The following CATSPERE variants were observed in gnomAD, a reference collection of about 807,000 sequenced individuals.
CATSPERE encodes the protein catsper channel auxiliary subunit epsilon.
A neutral mutation model predicts 114.1 loss-of-function variants in CATSPERE; 93 were observed. The observed-to-expected ratio is 0.81, with a 90% CI of 0.69 to 0.97. CATSPERE has a LOEUF of 0.97. Ranked by LOEUF, CATSPERE falls within the 50% of genes least tolerant of loss-of-function variation. The pLI is 0.00. For missense variants in CATSPERE, 1,058 were observed against 1,131.6 expected (o/e 0.93, Z 0.93); for synonymous variants, 341 against 384.1 (o/e 0.89, Z 1.31).
Position 244,518,641 on chromosome 1 carries a change from T to A in CATSPERE, c.479T>A (p.Val160Asp). The A allele has an allele frequency of 6.2e-7, 1 of 1,602,382 alleles. No individual in the cohort carries two copies. Among genetic ancestry groups the A allele is most frequent in the Non-Finnish European group, 8.5e-7 (1 of 1,172,082 alleles). ...TQMATLGQKP[V>D]IHTVLKRKVY... ...ATGGCCACATTGGGACAGAAGCCTG[T>A]CATACATACAGTTCTGAAGAGAAAA... Residue 160 changes from valine to aspartate, a missense_variant, in exon 8 of 22, where the codon GTC (valine) becomes GAC (aspartate). Val to Asp is a radical substitution (Grantham distance 152). Around this residue, in one of 2 missense-constraint regions of CATSPERE, gnomAD observed 271 missense variants for 225.9 expected, o/e 1.20. Transcript: ENST00000366534.
intron 2 of CATSPERE, among the ~76,000 whole-genome samples, chr1:244,470,742 C>G (rs1668344765): frequency 6.6e-6 from 1 of 152,092 alleles, no homozygotes; most frequent in African/African-American, 2.4e-5. Context: ...TTCATAATAG[C>G]CCCCAAGTGC....
chr1:244,629,610 A>T (rs1442540015), intron 20 of CATSPERE, among the ~76,000 whole-genome samples: 1 of 147,494 alleles, frequency 6.8e-6, no homozygotes, highest in Non-Finnish European at 1.5e-5. Context: ...CTGGGATTAC[A>T]GGTGTGAGCC....
chr1:244,485,705 T>G (rs1321888172), intron 5 of CATSPERE, among the ~76,000 whole-genome samples: 1 of 151,144 alleles, frequency 6.6e-6, no homozygotes, highest in African/African-American at 2.4e-5. Context: ...TTTTTTTGTT[T>G]TTTTTTTTTT....
At chr1:244,518,328 A>C (rs566029305) in intron 7 of CATSPERE, among the ~76,000 whole-genome samples, 1 of 152,316 alleles carries the variant, frequency 6.6e-6, no homozygotes, top group East Asian at 1.9e-4. Context: ...AAGTATCCCC[A>C]TAGTTTCAGT....
At chr1:244,451,724 C>T, upstream of CATSPERE, 1 of 1,610,804 alleles carries the variant, frequency 6.2e-7, no homozygotes, top group Non-Finnish European at 8.5e-7. This position sits in a 1 kb window ranked among gnomAD's most constrained non-coding sequence, Gnocchi z 6.6. Context: ...CCGAGCACCA[C>T]CGTCACCCGG....
chr1:244,476,469 A>G (rs113592350), intron 2 of CATSPERE, among the ~76,000 whole-genome samples: 1,773 of 152,198 alleles, frequency 0.012, 35 homozygotes, highest in African/African-American at 0.041. Context: ...TAGCAGTTCT[A>G]TCAAATTTTG....
At chr1:244,625,428 A>ATTTTTTTTTTTTTTTT (rs1234328450) in intron 20 of CATSPERE, among the ~76,000 whole-genome samples, 33 of 3,746 alleles carry the variant, frequency 8.8e-3, no homozygotes, top group Middle Eastern at 0.17. Context: ...ATATATATAT[A>ATTTTTTTTTTTTTTTT]TATATTTTTT....
chr1:244,552,480 C>T lies in CATSPERE; in HGVS notation c.695C>T (p.Ser232Phe). 6.2e-7 allele frequency: 1 copy of T among 1,614,182 alleles called. No homozygotes were observed. The highest frequency in any genetic ancestry group is 8.5e-7 in the Non-Finnish European group (1 of 1,180,034). The part of the protein sequence containing the change: ...IPEIPGYLPI[S>F]SPRGSQLMAS... ...GAAATTCCTGGTTATTTACCAATCT[C>T]CTCACCACGTGGTAGTCAATTAATG... is the stretch of plus-strand genomic sequence containing the variant. The change falls in exon 9 of 22, where the codon TCC becomes TTC. Residue 232 changes from serine to phenylalanine, a missense_variant. By Grantham distance (155) the Ser-to-Phe change is radical (BLOSUM62 -2). This residue lies in a region of CATSPERE where 787 missense variants were observed against 905.6 expected (regional missense o/e 0.87). Coordinates refer to ENST00000366534, the MANE Select transcript of CATSPERE (RefSeq NM_001130957.2).
intron 6 of CATSPERE, 105 bp downstream of exon 6, chr1:244,490,576 G>C: frequency 1.3e-6 from 1 of 757,374 alleles, no homozygotes; most frequent in South Asian, 1.7e-5. Context: ...AATGAATTTT[G>C]CAATGATATT....
At chr1:244,460,072 C>T (rs1328541226), upstream of CATSPERE, among the ~76,000 whole-genome samples, 5 of 152,156 alleles carry the variant, frequency 3.3e-5, no homozygotes, top group African/African-American at 1.2e-4. Flanking sequence ...CGGATTGCAT[C>T]TTGCTTCTAA....
At position 244,477,581 on chromosome 1, in the gene CATSPERE, G is replaced by A. The variant is rs757663225; in HGVS notation, c.155G>A (p.Ser52Asn). The A allele has an allele frequency of 6.2e-7, 1 of 1,602,260 alleles. No homozygotes were observed. The highest frequency in any genetic ancestry group is 1.1e-5 in the South Asian group (1 of 90,412). The change falls in exon 3 of 22, where the codon AGT becomes AAT. Residue 52 changes from serine to asparagine, a missense_variant. Coordinates refer to ENST00000366534, the MANE Select transcript of CATSPERE (RefSeq NM_001130957.2). ...EYEGTLFTEW[S>N]VPETCFVLNK... Reference sequence around the variant, plus strand: ...GAAGGAACATTATTTACTGAGTGGAGTGTGCCAGAAACTTGTTTTGTGCTA... The same window carrying A: ...GAAGGAACATTATTTACTGAGTGGAATGTGCCAGAAACTTGTTTTGTGCTA...
chr1:244,473,651 T>C (rs1311914267), intron 2 of CATSPERE, among the ~76,000 whole-genome samples: 2 of 152,148 alleles, frequency 1.3e-5, no homozygotes, highest in Non-Finnish European at 2.9e-5. Flanking sequence ...TTTGTGCTTT[T>C]TGTGATGTAT....
At chr1:244,535,715 C>G (rs1298377331) in intron 8 of CATSPERE, among the ~76,000 whole-genome samples, 2 of 152,116 alleles carry the variant, frequency 1.3e-5, no homozygotes, top group African/African-American at 2.4e-5. Context: ...GTCCAAGAAC[C>G]AATGCCGGGA....
chr1:244,587,298 C>T (rs1484399008), intron 13 of CATSPERE, among the ~76,000 whole-genome samples: 1 of 152,206 alleles, frequency 6.6e-6, no homozygotes, highest in African/African-American at 2.4e-5. Flanking sequence ...AAAATTGCTA[C>T]TAACGGTAGA....
intron 5 of CATSPERE, among the ~76,000 whole-genome samples, chr1:244,489,901 G>A (rs150404061): frequency 2.8e-3 from 421 of 152,214 alleles, no homozygotes; most frequent in Non-Finnish European, 4.3e-3. Flanking sequence ...CAAATTGGCC[G>A]TACTGGTTAC....
intron 1 of CATSPERE, among the ~76,000 whole-genome samples, chr1:244,462,560 A>G (rs1377061767): frequency 6.6e-6 from 1 of 152,094 alleles, no homozygotes; most frequent in African/African-American, 2.4e-5. Context: ...AAAGTACAAA[A>G]TTTGCCACTT....
intron 5 of CATSPERE, among the ~76,000 whole-genome samples, chr1:244,485,931 A>G (rs1425835557): frequency 6.6e-6 from 1 of 151,770 alleles, no homozygotes; most frequent in Non-Finnish European, 1.5e-5. Flanking sequence ...GTTGGCCTCA[A>G]GCAATCCTCC....
At chr1:244,454,168 G>A (rs1665904194), upstream of CATSPERE, among the ~76,000 whole-genome samples, 2 of 151,994 alleles carry the variant, frequency 1.3e-5, no homozygotes, top group South Asian at 4.2e-4. Flanking sequence ...CATTTGATGA[G>A]CCCTACAGAA....
At chr1:244,497,158 C>G (rs1208699478) in intron 6 of CATSPERE, among the ~76,000 whole-genome samples, 1 of 152,180 alleles carries the variant, frequency 6.6e-6, no homozygotes, top group Non-Finnish European at 1.5e-5. Context: ...AATTCTCTTA[C>G]AACCTGGTAA....
Sources: gnomAD v4.1 joint callset for allele counts (sites outside exome capture counted in the v4.1 genomes callset) on GRCh38, gnomAD v4.1.1 for gene constraint, gnomAD v4.1.1 regional missense constraint, Gnocchi (gnomAD v3.1) non-coding constraint, MANE v1.5 for transcripts, NCBI Gene and HGNC (gene_info 2026-07-23, HGNC 2026-07-21) for gene names.